The following FAT4 variants were observed in gnomAD, a reference collection of about 807,000 sequenced individuals.
FAT4 encodes protocadherin Fat 4.
A neutral mutation model predicts 303.9 loss-of-function variants in FAT4; 84 were observed. The ratio of observed to expected loss-of-function variants is 0.28; its 90% CI spans 0.23 to 0.33. The LOEUF (loss-of-function observed/expected upper bound fraction) is 0.33, where lower values mean the gene tolerates loss of function less well. Among genes scored for constraint, FAT4 ranks in the 10% least tolerant of loss-of-function variants. FAT4 has a pLI of 1.00. For synonymous variants in FAT4, 2,307 were observed against 2,298.8 expected, an observed-to-expected ratio of 1.00 and a Z score of -0.10; for missense variants, 6,005 against 6,146.8, an observed-to-expected ratio of 0.98 and a Z score of 0.77.
At chr4:125,376,709 G>A (rs1733339655) in intron 2 of FAT4, among the ~76,000 whole-genome samples, 1 of 152,138 alleles carries the variant, frequency 6.6e-6, no homozygotes, top group African/African-American at 2.4e-5. Flanking sequence ...AAACCAGACT[G>A]ACCAACATAG....
At chr4:125,418,023 A>G (rs1425550211) in intron 7 of FAT4, among the ~76,000 whole-genome samples, 4 of 152,184 alleles carry the variant, frequency 2.6e-5, no homozygotes, top group African/African-American at 9.6e-5. Context: ...TTTAGAATCT[A>G]CAGTTTAATC....
chr4:125,452,940 TTAC>T, intron 10 of FAT4, 130 bp downstream of exon 10: 2 of 1,178,172 alleles, frequency 1.7e-6, no homozygotes, highest in Non-Finnish European at 2.4e-6. Context: ...TTTTAAACAT[TTAC>T]TGTTGGTCAA....
chr4:125,417,468 C>T (rs1452544833), intron 7 of FAT4, among the ~76,000 whole-genome samples: 2 of 152,022 alleles, frequency 1.3e-5, no homozygotes, highest in Non-Finnish European at 2.9e-5. Flanking sequence ...CAGGGGGAAA[C>T]CAGGACTTGG....
chr4:125,381,802 C>G (rs1417292473), intron 2 of FAT4, among the ~76,000 whole-genome samples: 1 of 152,162 alleles, frequency 6.6e-6, no homozygotes, highest in Non-Finnish European at 1.5e-5. Flanking sequence ...GAATGTCATT[C>G]AAAACTGGAG....
At chr4:125,489,006 T>C (rs1215049840) in intron 17 of FAT4, among the ~76,000 whole-genome samples, 1 of 152,046 alleles carries the variant, frequency 6.6e-6, no homozygotes. Flanking sequence ...AAAAAATATA[T>C]CAAGAATGAG....
intron 2 of FAT4, among the ~76,000 whole-genome samples, chr4:125,388,946 G>T (rs1029408780): frequency 6.6e-6 from 1 of 152,126 alleles, no homozygotes; most frequent in African/African-American, 2.4e-5. Context: ...AAAATCCCAG[G>T]AACATGTGCT....
rs76048257 is a variant in FAT4 at position 125,449,852 on chromosome 4, A to G, written c.8842A>G (p.Ile2948Val). 3,114 of 1,613,974 alleles carry G rather than the reference A, an allele frequency of 1.9e-3. 61 individuals carry two copies. In the African/African-American group the frequency reaches 0.037, roughly 19 times the overall value. ...QNVTGFSNVN[I>V]NRHSFIVTSS... is the part of the protein sequence containing the mutation. Reference sequence around the variant, plus strand: ...TGTCACTGGCTTCAGTAATGTGAATATCAACAGGCATAGTTTTATAGTGAC... The same window carrying G: ...TGTCACTGGCTTCAGTAATGTGAATGTCAACAGGCATAGTTTTATAGTGAC... Residue 2948 changes from isoleucine to valine, a missense_variant, in exon 10 of 18, where the codon ATC (isoleucine) becomes GTC (valine). Transcript: ENST00000394329.
At chr4:125,343,521 T>C (rs1368947858) in intron 2 of FAT4, among the ~76,000 whole-genome samples, 2 of 152,192 alleles carry the variant, frequency 1.3e-5, no homozygotes, top group Non-Finnish European at 2.9e-5. Context: ...AACTTAAATT[T>C]CATCTCTTAA....
At chr4:125,435,336 C>A (rs1039780574) in intron 8 of FAT4, among the ~76,000 whole-genome samples, 2 of 152,066 alleles carry the variant, frequency 1.3e-5, no homozygotes, top group African/African-American at 4.8e-5. Context: ...ATATTTTATA[C>A]CCCTCCTCCA....
rs749993996 is a variant in FAT4, at chr4:125,318,189, T to C, written c.1778T>C (p.Val593Ala). Residue 593 changes from valine (V) to alanine (A), a missense_variant, in exon 2 of 18, where the codon GTT becomes GCT. Coordinates refer to ENST00000394329, the MANE Select transcript of FAT4 (RefSeq NM_001291303.3). Reference protein sequence around the residue: ...SQPEGYDVSVVENAPTGTELL... With the variant: ...SQPEGYDVSVAENAPTGTELL... ...CCAGAAGGGTATGATGTGTCTGTGG[T>C]TGAGAATGCCCCAACAGGGACAGAA... The C allele has an allele frequency of 1.2e-6, 2 of 1,614,146 alleles. No homozygotes were observed. Among genetic ancestry groups the C allele is most frequent in the South Asian group, 1.1e-5 (1 of 91,078 alleles).
rs201537209 is a variant in FAT4, at chr4:125,450,998, G to T, written c.9988G>T (p.Gly3330Cys). 12 of 1,614,104 alleles carry T rather than the reference G, an allele frequency of 7.4e-6. No individual in the cohort carries two copies. In the East Asian group the frequency reaches 2.0e-4, roughly 27 times the overall value. Residue 3330 changes from glycine to cysteine, a missense_variant, in exon 10 of 18, where the codon GGC (glycine) becomes TGC (cysteine). Gly to Cys is a radical substitution (Grantham distance 159). Transcript: ENST00000394329. ...GEVFASDRDL[G>C]TDGEVHYLIF... ...AGTGTTTGCTAGCGACCGTGATTTG[G>T]GCACTGATGGGGAGGTACACTATTT...
intron 15 of FAT4, among the ~76,000 whole-genome samples, chr4:125,480,507 T>C (rs889342272): frequency 6.6e-6 from 1 of 152,166 alleles, no homozygotes; most frequent in Non-Finnish European, 1.5e-5. Flanking sequence ...GGTTCCTCTT[T>C]TGTAAAAATT....
intron 2 of FAT4, among the ~76,000 whole-genome samples, chr4:125,361,135 A>G (rs1732649724): frequency 6.6e-6 from 1 of 151,960 alleles, no homozygotes; most frequent in Admixed American, 6.6e-5. Flanking sequence ...GCAAAGTTCA[A>G]TTCAATTAGC....
chr4:125,473,954 T>G lies in FAT4; in HGVS notation c.12214-2217T>G, dbSNP rs150380280. 1.2e-4 allele frequency among the ~76,000 whole-genome samples: 18 copies of G among 152,152 alleles called. No homozygotes were observed. The East Asian group carries it at 3.5e-3, about 29-fold the overall frequency. ...ATTCTGAATTTGTCATTTTCTACAT[T>G]TCAAAATAATTTTGGTTGGAAACTG... On this transcript the variant is annotated intron_variant, in intron 12 of 17. Transcript: ENST00000394329.
chr4:125,407,478 C>A (rs1237545913), intron 4 of FAT4, among the ~76,000 whole-genome samples: 9 of 149,446 alleles, frequency 6.0e-5, no homozygotes, highest in South Asian at 2.1e-4. Context: ...AAAAGAACAG[C>A]AAAAAAAAAA....
In FAT4 at chr4:125,449,902, C is replaced by T; in HGVS notation, c.8892C>T (p.Ser2964=). The T allele has an allele frequency of 1.9e-6, 3 of 1,613,862 alleles. No homozygotes were observed. Among genetic ancestry groups the T allele is most frequent in the East Asian group, 2.2e-5 (1 of 44,842 alleles). Reference sequence around the variant, plus strand: ...CATCTTCAGATCGAGGTAAACCTTCCTTAATTAGTGAGACAACAGTTACCA... The same window carrying T: ...CATCTTCAGATCGAGGTAAACCTTCTTTAATTAGTGAGACAACAGTTACCA... ...IVTSSDRGKP[S]LISETTVTIN... Residue 2964 remains serine, a synonymous_variant, in exon 10 of 18, where the codon TCC becomes TCT. Transcript: ENST00000394329.
chr4:125,435,353 A>G (rs900037069), intron 8 of FAT4, among the ~76,000 whole-genome samples: 4 of 152,144 alleles, frequency 2.6e-5, no homozygotes, highest in Admixed American at 6.5e-5. Flanking sequence ...TCCACTTTCT[A>G]TAGGCTGGTA....
At chr4:125,487,303 TAC>T in intron 16 of FAT4, 40 bp from the exon 17 acceptor site, 1 of 1,558,514 alleles carries the variant, frequency 6.4e-7, no homozygotes, top group Non-Finnish European at 8.7e-7. Flanking sequence ...TATTTAAGCA[TAC>T]CATATTTTAA....
At position 125,320,198 on chromosome 4, in the gene FAT4, A is replaced by G. The variant is rs1216852517; in HGVS notation, c.3787A>G (p.Thr1263Ala). The change falls in exon 2 of 18, where the codon ACC becomes GCC. Residue 1263 changes from threonine (T) to alanine (A), a missense_variant. Transcript: ENST00000394329. ...AGAAAGACAGTTTGCTATAGACAGT[A>G]CCTCTGGTCAGGTAACACTAATTGG... ...NEERQFAIDS[T>A]SGQVTLIGKL... 1 of 1,613,756 alleles carries G rather than the reference A, an allele frequency of 6.2e-7. No individual in the cohort carries two copies. Among genetic ancestry groups the G allele is most frequent in the Admixed American group, 1.7e-5 (1 of 60,030 alleles).
Sources: allele counts gnomAD v4.1 joint callset (sites outside exome capture counted in the v4.1 genomes callset), GRCh38; gene constraint gnomAD v4.1.1; transcripts MANE v1.5; gene names NCBI Gene and HGNC (gene_info 2026-07-23, HGNC 2026-07-21).